The following PDK2 variants were observed in gnomAD, a reference collection of about 807,000 sequenced individuals.
PDK2 encodes the protein pyruvate dehydrogenase kinase 2.
A neutral mutation model predicts 50.4 loss-of-function variants in PDK2; 34 were observed. The observed-to-expected ratio is 0.68, with a 90% CI of 0.51 to 0.90. The LOEUF is 0.90. Ranked by LOEUF, PDK2 falls within the 40% of genes least tolerant of loss-of-function variation. The pLI, the probability that PDK2 is intolerant of heterozygous loss-of-function variation, is 0.00. For synonymous variants in PDK2, 232 were observed against 216.0 expected (o/e 1.07, Z -0.65); for missense variants, 377 against 544.5 (o/e 0.69, Z 3.06).
upstream of PDK2, chr17:50,095,159 C>T: frequency 2.6e-6 from 1 of 382,806 alleles, no homozygotes; most frequent in East Asian, 4.5e-5. Context: ...CTCGGCGCGG[C>T]CTCCCCAAAA....
rs8071734 is a variant in PDK2, at chr17:50,101,957, T to C, written c.261-3414T>C. On this transcript the variant is annotated intron_variant, in intron 2 of 10. Coordinates refer to ENST00000503176, the MANE Select transcript of PDK2 (RefSeq NM_002611.5). This position sits in a 1 kb window ranked among gnomAD's most constrained non-coding sequence, Gnocchi z 4.2. ...GAGACCCCAGCCTCCCTGCAGGTCC[T>C]GGGGAGGGGTGGGGGCAATGCCTCT... is the stretch of plus-strand genomic sequence containing the variant. 0.77 allele frequency: 116,961 copies of C among 152,238 alleles called. 45,385 individuals are homozygous for C. The highest frequency in any genetic ancestry group is 0.96 in the East Asian group (4,970 of 5,180). 9.4% of individuals were successfully genotyped at this position (152,238 alleles called of 1,614,324 possible).
chr17:50,096,380 C>T (rs1363075080), intron 1 of PDK2: 1 of 799,268 alleles, frequency 1.3e-6, no homozygotes, highest in Non-Finnish European at 1.5e-6. Flanking sequence ...TTGTGTGGGC[C>T]CTGTCTGTCT....
chr17:50,096,049 A>G (rs766816892), intron 1 of PDK2: 9 of 910,180 alleles, frequency 9.9e-6, no homozygotes, highest in Non-Finnish European at 1.2e-5. Context: ...GGTGAGATTA[A>G]GCCAGGGGCA....
At chr17:50,103,995 T>C (rs9902826) in intron 2 of PDK2, among the ~76,000 whole-genome samples, 7,658 of 152,278 alleles carry the variant, frequency 0.05, 206 homozygotes, top group African/African-American at 0.081. Context: ...CTAGAAATAC[T>C]GTTGGGCCCC....
intron 1 of PDK2, chr17:50,096,310 AC>A (rs1909941848): frequency 1.0e-6 from 1 of 985,032 alleles, no homozygotes; most frequent in Admixed American, 6.1e-5. Flanking sequence ...ACTACCAGCA[AC>A]CTGGGGGTGG....
At chr17:50,106,239 ATT>A in intron 4 of PDK2, 170 bp downstream of exon 4, 1 of 1,401,410 alleles carries the variant, frequency 7.1e-7, no homozygotes, top group Non-Finnish European at 9.3e-7. Context: ...GAAAAATAAA[ATT>A]TTTCTTTCTC....
chr17:50,096,824 C>T (rs1909974657), intron 1 of PDK2, among the ~76,000 whole-genome samples: 2 of 152,320 alleles, frequency 1.3e-5, no homozygotes, highest in South Asian at 4.1e-4. Flanking sequence ...GGGCCAAGGC[C>T]ATATTCGGTC....
Position 50,097,433 on chromosome 17 carries a change from T to C in PDK2, c.129T>C (p.Asn43=). Residue 43 remains asparagine, a synonymous_variant, in exon 2 of 11, where the codon AAT becomes AAC. Coordinates refer to ENST00000503176, the MANE Select transcript of PDK2 (RefSeq NM_002611.5). ...TCTTTCTCCTGCCAGGATCCAGCAA[T>C]GCCTGTGAGAAAACCTCCTTCACCT... is the stretch of plus-strand genomic sequence containing the variant. ...MKQFLDFGSS[N]ACEKTSFTFL... 3.1e-6 allele frequency: 5 copies of C among 1,613,818 alleles called. No individual in the cohort carries two copies. The South Asian group carries it at 4.4e-5, about 14-fold the overall frequency.
At chr17:50,095,861 A>C in intron 1 of PDK2, 1 of 995,244 alleles carries the variant, frequency 1.0e-6, no homozygotes, top group Non-Finnish European at 1.3e-6. Flanking sequence ...GTAGGGTGGT[A>C]TCCAGACGCG....
intron 6 of PDK2, chr17:50,107,916 C>T (rs901607468): frequency 9.1e-6 from 5 of 551,168 alleles, no homozygotes; most frequent in Non-Finnish European, 1.6e-5. Context: ...GCTCCCCACC[C>T]CTGATTCAGT....
At chr17:50,100,842 G>C (rs893581850) in intron 2 of PDK2, 1 of 152,262 alleles carries the variant, frequency 6.6e-6, no homozygotes, top group African/African-American at 2.4e-5. Context: ...TGTTGGATTT[G>C]GAGACTGGAT....
intron 3 of PDK2, 21 bp from the exon 4 acceptor site, chr17:50,105,864 A>G: frequency 4.3e-6 from 7 of 1,610,334 alleles, no homozygotes; most frequent in Non-Finnish European, 5.9e-6. Context: ...GTCCCATGTG[A>G]ACATCTGCCC....
Position 50,095,369 on chromosome 17 carries a change from C to T in PDK2, c.-67C>T. The T allele has an allele frequency of 2.5e-6, 3 of 1,212,676 alleles. No individual in the cohort carries two copies. Among genetic ancestry groups the T allele is most frequent in the East Asian group, 2.6e-5 (1 of 38,964 alleles). The allele number at this position is 1,212,676 out of a possible 1,614,324, so 75.1% of individuals were successfully genotyped here. On this transcript the variant is annotated 5_prime_UTR_variant, in exon 1 of 11. Coordinates refer to ENST00000503176, the MANE Select transcript of PDK2 (RefSeq NM_002611.5). ...GGGAGGAGGCGGCCGAACCGCGTCGCTGGGCCGAAAGGTGCGCGAGCGCTG... is the reference window on the plus strand; with the variant it reads ...GGGAGGAGGCGGCCGAACCGCGTCGTTGGGCCGAAAGGTGCGCGAGCGCTG...
At chr17:50,105,172 T>C (rs1910440804) in intron 2 of PDK2, 199 bp from the exon 3 acceptor site, 1 of 474,730 alleles carries the variant, frequency 2.1e-6, no homozygotes, top group Non-Finnish European at 3.7e-6. Flanking sequence ...TTTGAAGTTT[T>C]CTTGCATAAC....
chr17:50,097,392 C>A (rs1335298248), intron 1 of PDK2, 31 bp from the exon 2 acceptor site: 1 of 1,610,542 alleles, frequency 6.2e-7, no homozygotes, highest in Non-Finnish European at 8.5e-7. Context: ...TAGTCTGTGG[C>A]TCTGTGGCTC....
chr17:50,101,541 C>A lies in PDK2; in HGVS notation c.261-3830C>A, dbSNP rs1910229554. Among the ~76,000 whole-genome samples, 1 of 152,032 alleles carries A rather than the reference C, an allele frequency of 6.6e-6. No homozygotes were observed. Among genetic ancestry groups the A allele is most frequent in the African/African-American group, 2.4e-5 (1 of 41,328 alleles). ...GCCTTTGCCTTGTTTACACCCTGCT[C>A]CCCAGCAGCTGTGGATACGAGTGCA... On this transcript the variant is annotated intron_variant, in intron 2 of 10. Transcript: ENST00000503176. This position sits in a 1 kb window ranked among gnomAD's most constrained non-coding sequence, Gnocchi z 4.2.
At chr17:50,108,582 A>G in intron 8 of PDK2, 30 bp from the exon 9 acceptor site, 1 of 1,561,278 alleles carries the variant, frequency 6.4e-7, no homozygotes, top group South Asian at 1.1e-5. Context: ...TGAGCTGTAA[A>G]GAATCCCTGA....
At chr17:50,103,284 C>T (rs562592541) in intron 2 of PDK2, among the ~76,000 whole-genome samples, 9 of 152,196 alleles carry the variant, frequency 5.9e-5, no homozygotes, top group African/African-American at 7.2e-5. Flanking sequence ...GAGGGGTGGG[C>T]GGTGAGCTCT....
At chr17:50,105,147 C>T (rs1301988885) in intron 2 of PDK2, 11 of 470,700 alleles carry the variant, frequency 2.3e-5, no homozygotes, top group East Asian at 7.0e-5. Flanking sequence ...AGGTGCTAAA[C>T]GGGGGACCAG....
Sources: allele counts gnomAD v4.1 joint callset (sites outside exome capture counted in the v4.1 genomes callset), GRCh38; gene constraint gnomAD v4.1.1; non-coding constraint Gnocchi (gnomAD v3.1); transcripts MANE v1.5; gene names NCBI Gene and HGNC (gene_info 2026-07-23, HGNC 2026-07-21).